The following TAFA1 variants were observed in gnomAD, a reference collection of about 807,000 sequenced individuals.
TAFA1 encodes TAFA chemokine like family member 1.
A neutral mutation model predicts 18.5 loss-of-function variants in TAFA1; 4 were observed. The ratio of observed to expected loss-of-function variants is 0.22; its 90% confidence interval spans 0.11 to 0.49. The LOEUF (loss-of-function observed/expected upper bound fraction) is 0.49, where lower values mean the gene tolerates loss of function less well. Ranked by LOEUF, TAFA1 falls within the 20% of genes least tolerant of loss-of-function variation. TAFA1 has a pLI of 0.98. For missense variants in TAFA1, 147 were observed against 169.0 expected, an observed-to-expected ratio of 0.87 and a Z score of 0.72; for synonymous variants, 56 against 55.2, an observed-to-expected ratio of 1.01 and a Z score of -0.06.
intron 3 of TAFA1, among the ~76,000 whole-genome samples, chr3:68,492,900 G>T (rs998681691): frequency 1.3e-5 from 2 of 152,118 alleles, no homozygotes; most frequent in Admixed American, 1.3e-4. Context: ...GGCAGTTTTT[G>T]AATATACAGA....
At chr3:68,448,072 G>C (rs2071501898) in intron 3 of TAFA1, among the ~76,000 whole-genome samples, 1 of 152,156 alleles carries the variant, frequency 6.6e-6, no homozygotes, top group Non-Finnish European at 1.5e-5. Context: ...GAGGGTGTGA[G>C]CAGTTCTGCC....
chr3:68,536,140 T>C (rs1559710109), intron 3 of TAFA1, among the ~76,000 whole-genome samples: 1 of 152,152 alleles, frequency 6.6e-6, no homozygotes, highest in Non-Finnish European at 1.5e-5. Flanking sequence ...AATAATTTTA[T>C]TCAAAGTAAA....
intron 2 of TAFA1, among the ~76,000 whole-genome samples, chr3:68,040,576 T>G (rs1705142541): frequency 6.6e-6 from 1 of 152,188 alleles, no homozygotes; most frequent in African/African-American, 2.4e-5. Flanking sequence ...CTACACTTAT[T>G]TCGAGAAGGT....
the TAFA1 span, among the ~76,000 whole-genome samples, chr3:67,996,810 GAAA>G: frequency 6.7e-6 from 1 of 149,380 alleles, no homozygotes. Context: ...ACAAAAATAA[GAAA>G]AAAAAAAATG....
At chr3:68,169,994 G>A (rs553935855) in intron 2 of TAFA1, among the ~76,000 whole-genome samples, 31 of 152,220 alleles carry the variant, frequency 2.0e-4, no homozygotes, top group African/African-American at 6.5e-4. Flanking sequence ...CTCCATAAAG[G>A]CAATGAGAAC....
intron 2 of TAFA1, among the ~76,000 whole-genome samples, chr3:68,300,810 A>T (rs1468491807): frequency 2.6e-5 from 4 of 152,152 alleles, no homozygotes; most frequent in Non-Finnish European, 5.9e-5. Context: ...AGTGTTTTCT[A>T]GTTCCTCCTG....
chr3:68,384,741 A>G (rs2070053957), intron 2 of TAFA1, among the ~76,000 whole-genome samples: 1 of 152,036 alleles, frequency 6.6e-6, no homozygotes, highest in Admixed American at 6.6e-5. Flanking sequence ...TACCTCAATA[A>G]TCTATCTAAT....
intron 2 of TAFA1, among the ~76,000 whole-genome samples, chr3:68,151,854 T>G (rs973818199): frequency 3.9e-5 from 6 of 152,234 alleles, no homozygotes; most frequent in African/African-American, 1.4e-4. Flanking sequence ...CCAAAACTTA[T>G]ACATTCTATG....
intron 2 of TAFA1, among the ~76,000 whole-genome samples, chr3:68,118,650 T>C (rs1003776191): frequency 1.3e-5 from 2 of 152,250 alleles, no homozygotes; most frequent in African/African-American, 4.8e-5. Flanking sequence ...GACTGACTTA[T>C]TTCACGTAGC....
At chr3:68,078,706 G>T (rs550870056) in intron 2 of TAFA1, among the ~76,000 whole-genome samples, 125 of 152,064 alleles carry the variant, frequency 8.2e-4, no homozygotes, top group African/African-American at 2.9e-3. Flanking sequence ...TGCTGGATTC[G>T]GTTTGCCAGT....
chr3:68,186,022 G>A (rs1014075726), intron 2 of TAFA1, among the ~76,000 whole-genome samples: 6 of 152,080 alleles, frequency 3.9e-5, no homozygotes, highest in African/African-American at 7.2e-5. Context: ...TGTCAAAAAG[G>A]GAGGTGAGCA....
chr3:68,147,180 T>C (rs534726316), intron 2 of TAFA1, among the ~76,000 whole-genome samples: 1 of 152,086 alleles, frequency 6.6e-6, no homozygotes, highest in East Asian at 1.9e-4. Context: ...ACCCTTGTTA[T>C]GGAAACTAAG....
intron 3 of TAFA1, among the ~76,000 whole-genome samples, chr3:68,444,251 G>C (rs2071435557): frequency 6.6e-6 from 1 of 152,144 alleles, no homozygotes; most frequent in African/African-American, 2.4e-5. Context: ...ATCAGTGCTA[G>C]TCTTTTGGGT....
rs188023518 is a variant in TAFA1 at position 68,277,777 on chromosome 3, G to A, written c.119-139503G>A. ...TTCTTGTCTAAGTGTAGAGAGATAC[G>A]CACAAAAGCATTGAGGTCATCTTTC... On this transcript the variant is annotated intron_variant, in intron 2 of 4. Coordinates refer to ENST00000478136, the MANE Select transcript of TAFA1 (RefSeq NM_213609.4). Among the ~76,000 whole-genome samples the A allele has an allele frequency of 8.7e-4, 132 of 152,176 alleles. 1 individual carries two copies. In the Middle Eastern group the frequency reaches 0.017, roughly 20 times the overall value.
At chr3:68,538,332 A>C (rs1448921216) in intron 3 of TAFA1, among the ~76,000 whole-genome samples, 1 of 152,142 alleles carries the variant, frequency 6.6e-6, no homozygotes, top group Non-Finnish European at 1.5e-5. Context: ...GTGGCCTTTC[A>C]TTAGTTTTAC....
chr3:68,024,583 A>C (rs1704771581), intron 2 of TAFA1, among the ~76,000 whole-genome samples: 1 of 152,134 alleles, frequency 6.6e-6, no homozygotes, highest in Non-Finnish European at 1.5e-5. Context: ...AGAGAAGAAA[A>C]AATGGGAAGG....
intron 2 of TAFA1, among the ~76,000 whole-genome samples, chr3:68,331,033 A>C (rs902755076): frequency 4.2e-5 from 6 of 143,590 alleles, no homozygotes; most frequent in Non-Finnish European, 7.7e-5. Context: ...TGAAACAAAA[A>C]ACAACAAATG....
intron 2 of TAFA1, among the ~76,000 whole-genome samples, chr3:68,294,464 A>G (rs1415783599): frequency 2.0e-5 from 3 of 152,232 alleles, no homozygotes; most frequent in Non-Finnish European, 4.4e-5. Context: ...GTGTATCTAT[A>G]TTCTGACAAT....
intron 2 of TAFA1, among the ~76,000 whole-genome samples, chr3:68,382,911 A>T (rs146190227): frequency 2.6e-5 from 4 of 152,158 alleles, no homozygotes; most frequent in Non-Finnish European, 5.9e-5. Context: ...CTTTCTGTAA[A>T]GATCTGTCAC....
Sources: allele counts gnomAD v4.1 joint callset (sites outside exome capture counted in the v4.1 genomes callset), GRCh38; gene constraint gnomAD v4.1.1; transcripts MANE v1.5; gene names NCBI Gene and HGNC (gene_info 2026-07-23, HGNC 2026-07-21).